NOX4: variants seen among roughly 807,000 people sequenced by gnomAD.
The protein encoded by NOX4 is NADPH oxidase 4, also known as kidney oxidase-1.
Under a neutral mutation model 87.6 loss-of-function variants are expected in NOX4, and 69 were observed. That is an observed-to-expected ratio of 0.79 (90% CI 0.65 to 0.96). The LOEUF is 0.96. Ranked by LOEUF, NOX4 falls within the 40% of genes least tolerant of loss-of-function variation. NOX4 has a pLI of 0.00. For missense variants in NOX4, 680 were observed against 681.5 expected (o/e 1.00, Z 0.02); for synonymous variants, 275 against 238.2 (o/e 1.15, Z -1.42).
At chr11:89,587,777 CA>C in the NOX4 span, among the ~76,000 whole-genome samples, 1 of 151,942 alleles carries the variant, frequency 6.6e-6, no homozygotes, top group Non-Finnish European at 1.5e-5. Flanking sequence ...CTATCTCTAC[CA>C]ATATAAATAA....
chr11:89,535,176 C>A, the NOX4 span, among the ~76,000 whole-genome samples: 1 of 152,088 alleles, frequency 6.6e-6, no homozygotes, highest in Admixed American at 6.5e-5. Context: ...TCTCAGTCCC[C>A]TAAGATAAAA....
chr11:89,521,165 G>T, the NOX4 span, among the ~76,000 whole-genome samples: 1 of 151,918 alleles, frequency 6.6e-6, no homozygotes, highest in Admixed American at 6.6e-5. Flanking sequence ...GTTTTTCACA[G>T]AATTAGAAAA....
At chr11:89,418,927 C>G (rs553885600) in intron 8 of NOX4, among the ~76,000 whole-genome samples, 1 of 152,082 alleles carries the variant, frequency 6.6e-6, no homozygotes, top group Admixed American at 6.6e-5. Context: ...GGTAGAAAAA[C>G]CAGTCAACAA....
chr11:89,493,364 G>T (rs561633910), upstream of NOX4, among the ~76,000 whole-genome samples: 4 of 151,378 alleles, frequency 2.6e-5, no homozygotes, highest in African/African-American at 7.3e-5. Context: ...AACCCAGCCT[G>T]TGCGACAGAG....
intron 11 of NOX4, among the ~76,000 whole-genome samples, chr11:89,382,784 C>A (rs144461049): frequency 1.3e-5 from 2 of 152,086 alleles, no homozygotes; most frequent in African/African-American, 2.4e-5. Context: ...AGCCCTCCCC[C>A]ACCTGCCCAA....
At chr11:89,426,175 G>A (rs1197991076) in intron 7 of NOX4, among the ~76,000 whole-genome samples, 4 of 152,062 alleles carry the variant, frequency 2.6e-5, no homozygotes, top group Non-Finnish European at 2.9e-5. Flanking sequence ...GTTTTGTATA[G>A]AACATCATGT....
upstream of NOX4, among the ~76,000 whole-genome samples, chr11:89,500,758 A>G (rs1056943879): frequency 6.6e-6 from 1 of 152,160 alleles, no homozygotes; most frequent in Non-Finnish European, 1.5e-5. Context: ...AAAAATTTAG[A>G]TGACCTTGTA....
chr11:89,386,260 A>T (rs1940693500), intron 11 of NOX4, among the ~76,000 whole-genome samples: 1 of 152,096 alleles, frequency 6.6e-6, no homozygotes, highest in African/African-American at 2.4e-5. Context: ...AAAATTTGTC[A>T]TCCCTACTAT....
At chr11:89,450,422 A>G (rs1944905952) in intron 3 of NOX4, among the ~76,000 whole-genome samples, 1 of 152,170 alleles carries the variant, frequency 6.6e-6, no homozygotes, top group Non-Finnish European at 1.5e-5. Flanking sequence ...ATCTTAGGGA[A>G]GAAGAATCAA....
chr11:89,425,451 A>C (rs1017850469), intron 7 of NOX4, among the ~76,000 whole-genome samples: 2 of 151,338 alleles, frequency 1.3e-5, no homozygotes, highest in Non-Finnish European at 2.9e-5. Flanking sequence ...CAAAACATTT[A>C]GTAATATGGG....
chr11:89,476,355 A>G (rs1007428240), intron 2 of NOX4, among the ~76,000 whole-genome samples: 1 of 152,136 alleles, frequency 6.6e-6, no homozygotes, highest in Non-Finnish European at 1.5e-5. Flanking sequence ...GTTCATAAGA[A>G]AGATATATAG....
the NOX4 span, among the ~76,000 whole-genome samples, chr11:89,588,450 T>G: frequency 6.6e-6 from 1 of 152,186 alleles, no homozygotes; most frequent in Non-Finnish European, 1.5e-5. Flanking sequence ...CATTAATGAT[T>G]GTGTTCATTT....
intron 7 of NOX4, among the ~76,000 whole-genome samples, chr11:89,425,917 G>C (rs891669374): frequency 6.6e-6 from 1 of 152,004 alleles, no homozygotes; most frequent in Non-Finnish European, 1.5e-5. Context: ...AGAACAATTG[G>C]AGATTCTTGA....
At chr11:89,576,026 T>C in the NOX4 span, among the ~76,000 whole-genome samples, 1 of 152,352 alleles carries the variant, frequency 6.6e-6, no homozygotes, top group Middle Eastern at 3.4e-3. Flanking sequence ...TGGCCACAAC[T>C]GTTTGTCCAG....
In NOX4 at chr11:89,344,791, T is replaced by C. The variant is rs568768983; in HGVS notation, c.1218-2598A>G. Among the ~76,000 whole-genome samples the C allele has an allele frequency of 3.3e-5, 5 of 152,278 alleles. No homozygotes were observed. In the South Asian group the frequency reaches 6.2e-4, roughly 19 times the overall value. On this transcript the variant is annotated intron_variant, in intron 13 of 17. Transcript: ENST00000263317. Reference sequence around the variant, plus strand: ...TAATTTTCTTAAGGTCACACTTATATTAAGGGGGGATGACTTTTACTAAAT... The same window carrying C: ...TAATTTTCTTAAGGTCACACTTATACTAAGGGGGGATGACTTTTACTAAAT...
chr11:89,441,175 A>G (rs1429109570), intron 5 of NOX4, among the ~76,000 whole-genome samples: 1 of 152,222 alleles, frequency 6.6e-6, no homozygotes, highest in Non-Finnish European at 1.5e-5. Flanking sequence ...GCTCAGTACG[A>G]AGAAGACTAA....
chr11:89,514,204 A>C, the NOX4 span, among the ~76,000 whole-genome samples: 2 of 152,008 alleles, frequency 1.3e-5, no homozygotes, highest in Non-Finnish European at 2.9e-5. Flanking sequence ...GTTTTAGCTC[A>C]TGAATATCAC....
chr11:89,552,835 G>GT, the NOX4 span, among the ~76,000 whole-genome samples: 63,269 of 151,944 alleles, frequency 0.42, 14,013 homozygotes, highest in African/African-American at 0.57. Context: ...GTAACTTACT[G>GT]TGAGTCAAAA....
the NOX4 span, among the ~76,000 whole-genome samples, chr11:89,510,579 C>A: frequency 6.6e-6 from 1 of 151,938 alleles, no homozygotes; most frequent in African/African-American, 2.4e-5. Flanking sequence ...GTAATTTTTA[C>A]AGAATCAGAA....
Sources: gnomAD v4.1 joint callset for allele counts (sites outside exome capture counted in the v4.1 genomes callset) on GRCh38, gnomAD v4.1.1 for gene constraint, MANE v1.5 for transcripts, NCBI Gene and HGNC (gene_info 2026-07-23, HGNC 2026-07-21) for gene names.